The following STXBP4 variants were observed in gnomAD, a reference collection of about 807,000 sequenced individuals.
STXBP4 encodes the protein syntaxin-binding protein 4.
STXBP4 carries 55 observed loss-of-function variants against 76.1 expected under a neutral mutation model. That is an observed-to-expected ratio of 0.72 (90% CI 0.58 to 0.91). STXBP4 has a LOEUF of 0.91. Among genes scored for constraint, STXBP4 ranks in the 40% least tolerant of loss-of-function variants. The pLI, the probability that STXBP4 is intolerant of heterozygous loss-of-function variation, is 0.00. For synonymous variants in STXBP4, 201 were observed against 220.2 expected (o/e 0.91, Z 0.77); for missense variants, 618 against 636.9 (o/e 0.97, Z 0.32).
intron 10 of STXBP4, 96 bp downstream of exon 10, chr17:55,034,355 A>G: frequency 1.4e-6 from 1 of 692,012 alleles, no homozygotes; most frequent in South Asian, 3.8e-5. Context: ...TTAAAAATAG[A>G]AATAATACAT....
intron 12 of STXBP4, among the ~76,000 whole-genome samples, chr17:55,062,241 C>T (rs998308029): frequency 1.3e-5 from 2 of 152,116 alleles, no homozygotes; most frequent in African/African-American, 4.8e-5. Flanking sequence ...CCTCCTCTCA[C>T]CCCTGACCCC....
intron 11 of STXBP4, chr17:55,043,599 T>A: frequency 6.5e-7 from 1 of 1,548,840 alleles, no homozygotes; most frequent in Non-Finnish European, 8.7e-7. Flanking sequence ...TCCTTTTTAT[T>A]CTCTCTCATT....
chr17:54,998,040 T>G (rs561507435), intron 4 of STXBP4, among the ~76,000 whole-genome samples: 2 of 152,162 alleles, frequency 1.3e-5, no homozygotes, highest in African/African-American at 2.4e-5. Flanking sequence ...CATGAATGTT[T>G]TATGTCAATT....
chr17:55,078,020 G>A (rs2079206417), intron 13 of STXBP4, 58 bp from the exon 14 acceptor site: 1 of 1,021,548 alleles, frequency 9.8e-7, no homozygotes, highest in Non-Finnish European at 1.5e-6. Context: ...TGAAAATAGG[G>A]ACCAGTAATG....
intron 12 of STXBP4, among the ~76,000 whole-genome samples, chr17:55,069,337 G>C (rs2079094034): frequency 6.6e-6 from 1 of 151,952 alleles, no homozygotes; most frequent in Non-Finnish European, 1.5e-5. Context: ...ACTCTATCTA[G>C]TACATAGTAA....
intron 3 of STXBP4, among the ~76,000 whole-genome samples, chr17:54,986,672 A>G (rs1053214976): frequency 6.6e-6 from 1 of 152,224 alleles, no homozygotes; most frequent in Non-Finnish European, 1.5e-5. Context: ...ACATTTTTAA[A>G]AACTCTTTTG....
the STXBP4 span, among the ~76,000 whole-genome samples, chr17:55,192,141 A>T: frequency 6.6e-6 from 1 of 152,218 alleles, no homozygotes; most frequent in Non-Finnish European, 1.5e-5. Flanking sequence ...CCAATAAAAA[A>T]TTCTGTCTGT....
chr17:55,100,806 C>T (rs1257876627), intron 16 of STXBP4, among the ~76,000 whole-genome samples: 3 of 152,158 alleles, frequency 2.0e-5, no homozygotes, highest in Middle Eastern at 3.2e-3. Flanking sequence ...AGCAAAGTCA[C>T]AGGTTGTACA....
chr17:55,031,275 G>A lies in STXBP4; in HGVS notation c.763+11G>A. On this transcript the variant is annotated intron_variant, in intron 9 of 17. Coordinates refer to ENST00000376352, the MANE Select transcript of STXBP4 (RefSeq NM_178509.6). ...CAGTGTCTTTTGGAGGTAATATTAG[G>A]TTTATTGTGTTGTATTATCACTGAA... 1 of 1,578,656 alleles carries A rather than the reference G, an allele frequency of 6.3e-7. No individual in the cohort carries two copies. Among genetic ancestry groups the A allele is most frequent in the Non-Finnish European group, 8.7e-7 (1 of 1,148,890 alleles).
intron 4 of STXBP4, among the ~76,000 whole-genome samples, chr17:54,999,038 T>C (rs1029921432): frequency 8.6e-5 from 13 of 151,984 alleles, no homozygotes; most frequent in African/African-American, 3.1e-4. Flanking sequence ...ATCAGCCCCA[T>C]AGTGCTCAGT....
At chr17:55,189,070 T>G in the STXBP4 span, among the ~76,000 whole-genome samples, 1 of 152,084 alleles carries the variant, frequency 6.6e-6, no homozygotes, top group African/African-American at 2.4e-5. Flanking sequence ...TTTGTAGGAA[T>G]GAATTATACT....
downstream of STXBP4, among the ~76,000 whole-genome samples, chr17:55,175,074 C>T (rs148852970): frequency 1.3e-3 from 203 of 152,026 alleles, 1 homozygote; most frequent in Middle Eastern, 6.8e-3. Flanking sequence ...CACTAATGAC[C>T]CTACATTCCA....
intron 10 of STXBP4, among the ~76,000 whole-genome samples, chr17:55,038,817 T>G (rs1367202307): frequency 6.6e-6 from 1 of 152,088 alleles, no homozygotes. Context: ...TTCCCTAAAA[T>G]AGATTTTTCA....
chr17:55,143,466 T>C (rs549343307), intron 17 of STXBP4, among the ~76,000 whole-genome samples: 7 of 151,922 alleles, frequency 4.6e-5, no homozygotes, highest in Non-Finnish European at 1.0e-4. Context: ...GAGAAAAAAA[T>C]ACTAGGGGCA....
chr17:55,118,258 A>G (rs954393023), intron 16 of STXBP4, among the ~76,000 whole-genome samples: 1 of 151,964 alleles, frequency 6.6e-6, no homozygotes, highest in African/African-American at 2.4e-5. Flanking sequence ...GAGGAAGGAC[A>G]AGAAAAGTCT....
At chr17:55,087,008 G>A (rs1055318203) in intron 16 of STXBP4, among the ~76,000 whole-genome samples, 8 of 152,050 alleles carry the variant, frequency 5.3e-5, no homozygotes, top group African/African-American at 1.4e-4. Context: ...TTTCCCTGAC[G>A]ATTAGTGATG....
chr17:55,134,137 T>C (rs2080001605), intron 16 of STXBP4, among the ~76,000 whole-genome samples: 1 of 151,902 alleles, frequency 6.6e-6, no homozygotes, highest in Non-Finnish European at 1.5e-5. Flanking sequence ...GATGGGAGGA[T>C]TGCATGAGGT....
intron 3 of STXBP4, 75 bp downstream of exon 3, chr17:54,986,341 T>G (rs1052030802): frequency 4.3e-6 from 5 of 1,152,624 alleles, no homozygotes; most frequent in Non-Finnish European, 5.1e-6. Context: ...TGATTAAAAG[T>G]TTTTTTACAT....
At chr17:55,097,440 G>C (rs1336789301) in intron 16 of STXBP4, among the ~76,000 whole-genome samples, 1 of 152,158 alleles carries the variant, frequency 6.6e-6, no homozygotes, top group Non-Finnish European at 1.5e-5. Context: ...AAGGCGGGCG[G>C]ATCACGAGGT....
Sources: allele counts gnomAD v4.1 joint callset (sites outside exome capture counted in the v4.1 genomes callset), GRCh38; gene constraint gnomAD v4.1.1; transcripts MANE v1.5; gene names NCBI Gene and HGNC (gene_info 2026-07-23, HGNC 2026-07-21).